RALGPS1: variants seen among roughly 807,000 people sequenced by gnomAD.
RALGPS1 encodes ras-specific guanine nucleotide-releasing factor RalGPS1.
In RALGPS1, 19 loss-of-function variants were observed where a neutral mutation model predicts 78.8. That is an observed-to-expected ratio of 0.24 (90% CI 0.17 to 0.35). RALGPS1 has a LOEUF of 0.35. Ranked by LOEUF, RALGPS1 falls within the 10% of genes least tolerant of loss-of-function variation. The pLI is 1.00. For missense variants in RALGPS1, 454 were observed against 688.3 expected (o/e 0.66, Z 3.81); for synonymous variants, 228 against 256.3 (o/e 0.89, Z 1.06).
At chr9:126,921,908 A>G (rs1390838727) in intron 1 of RALGPS1, among the ~76,000 whole-genome samples, 1 of 152,332 alleles carries the variant, frequency 6.6e-6, no homozygotes, top group Admixed American at 6.5e-5. Context: ...TGCTTTTCTC[A>G]GGGTATTAAT....
At chr9:126,974,514 A>G (rs1209828066) in intron 3 of RALGPS1, among the ~76,000 whole-genome samples, 1 of 151,496 alleles carries the variant, frequency 6.6e-6, no homozygotes, top group Non-Finnish European at 1.5e-5. Context: ...GAAATACTAC[A>G]TTTAACATAT....
intron 1 of RALGPS1, among the ~76,000 whole-genome samples, chr9:126,948,436 G>T (rs754839430): frequency 1.3e-5 from 2 of 152,104 alleles, no homozygotes; most frequent in African/African-American, 2.4e-5. Flanking sequence ...AGAATCGCTC[G>T]CTTGAACCTG....
intron 14 of RALGPS1, among the ~76,000 whole-genome samples, chr9:127,209,192 C>T (rs1341520667): frequency 6.6e-6 from 1 of 152,222 alleles, no homozygotes; most frequent in Non-Finnish European, 1.5e-5. Flanking sequence ...AGAAGAAAGC[C>T]CCGGGGCTGG....
intron 4 of RALGPS1, among the ~76,000 whole-genome samples, chr9:127,029,704 C>A (rs369760734): frequency 6.6e-6 from 1 of 152,202 alleles, no homozygotes; most frequent in African/African-American, 2.4e-5. Flanking sequence ...TCCTGTGGCC[C>A]GATGGCCTAG....
At chr9:127,199,756 G>A (rs2061530205) in intron 14 of RALGPS1, among the ~76,000 whole-genome samples, 1 of 152,178 alleles carries the variant, frequency 6.6e-6, no homozygotes, top group East Asian at 1.9e-4. Flanking sequence ...GCTGTGAAGG[G>A]GGTACCCCCA....
At chr9:126,969,177 A>G (rs2039848651) in intron 3 of RALGPS1, among the ~76,000 whole-genome samples, 1 of 152,246 alleles carries the variant, frequency 6.6e-6, no homozygotes, top group Non-Finnish European at 1.5e-5. Flanking sequence ...GCAACATAAA[A>G]TTATTGAAAT....
intron 8 of RALGPS1, among the ~76,000 whole-genome samples, chr9:127,156,042 G>A (rs916399063): frequency 2.0e-5 from 3 of 152,032 alleles, no homozygotes. Flanking sequence ...TGTATTCTCT[G>A]TGTGTGATCT....
chr9:126,951,424 A>C (rs1455938990), intron 1 of RALGPS1, among the ~76,000 whole-genome samples: 2 of 151,582 alleles, frequency 1.3e-5, no homozygotes, highest in Admixed American at 1.3e-4. Context: ...CCTCAATAAA[A>C]TACTGGCAAA....
At chr9:127,139,688 G>A (rs892756640) in intron 8 of RALGPS1, among the ~76,000 whole-genome samples, 2 of 152,242 alleles carry the variant, frequency 1.3e-5, no homozygotes, top group African/African-American at 2.4e-5. Flanking sequence ...CCAGTCAGGC[G>A]TGTGGTGTGG....
chr9:127,095,593 A>G (rs1222188335), intron 8 of RALGPS1, among the ~76,000 whole-genome samples: 4 of 152,198 alleles, frequency 2.6e-5, no homozygotes, highest in Admixed American at 1.3e-4. Flanking sequence ...ACGCCCTGCA[A>G]GGGAGGAGCT....
intron 1 of RALGPS1, among the ~76,000 whole-genome samples, chr9:126,919,975 A>G (rs1296995757): frequency 1.3e-5 from 2 of 152,120 alleles, no homozygotes; most frequent in African/African-American, 2.4e-5. Context: ...CCTTTGTGAA[A>G]CCTACTTAAT....
chr9:126,922,649 A>T (rs1424314804), intron 1 of RALGPS1, among the ~76,000 whole-genome samples: 3 of 152,146 alleles, frequency 2.0e-5, no homozygotes, highest in East Asian at 1.9e-4. Context: ...GCATTTATAG[A>T]TTGCTCTCCT....
intron 11 of RALGPS1, among the ~76,000 whole-genome samples, chr9:127,180,598 C>T (rs1231903409): frequency 6.6e-6 from 1 of 152,364 alleles, no homozygotes; most frequent in African/African-American, 2.4e-5. Flanking sequence ...CCCTGGCATA[C>T]ACTTACCTCT....
chr9:127,084,499 G>T (rs1465530030), intron 8 of RALGPS1, among the ~76,000 whole-genome samples: 1 of 152,080 alleles, frequency 6.6e-6, no homozygotes, highest in Non-Finnish European at 1.5e-5. Flanking sequence ...GGCTGGCCTT[G>T]TGCTGTCAAT....
At chr9:127,034,293 TCCACCTA>T in intron 4 of RALGPS1, 131 bp from the exon 5 acceptor site, 1 of 727,496 alleles carries the variant, frequency 1.4e-6, no homozygotes, top group Non-Finnish European at 2.5e-6. Flanking sequence ...GCCCTTCTCT[TCCACCTA>T]GTAAAGATGG....
chr9:127,182,368 TCCTCCCTCCCTCCCTCCCTC>T (rs1187350551), intron 11 of RALGPS1, among the ~76,000 whole-genome samples: 11 of 66,806 alleles, frequency 1.6e-4, no homozygotes, highest in African/African-American at 6.3e-4. Context: ...CTTCCTTCCT[TCCTCCCTCCCTCCCTCCCTC>T]CCTCCCTCCC....
chr9:127,207,084 G>T (rs1300227777), intron 14 of RALGPS1, among the ~76,000 whole-genome samples: 4 of 151,964 alleles, frequency 2.6e-5, no homozygotes, highest in Non-Finnish European at 5.9e-5. Context: ...GGCACCCATT[G>T]TCTCATCACC....
intron 5 of RALGPS1, among the ~76,000 whole-genome samples, chr9:127,039,061 A>G (rs950404584): frequency 3.9e-5 from 6 of 152,076 alleles, no homozygotes; most frequent in African/African-American, 1.4e-4. Context: ...TGGATATTTG[A>G]GTCCGGAAGT....
chr9:127,184,315 G>A, intron 11 of RALGPS1: 1 of 313,902 alleles, frequency 3.2e-6, no homozygotes, highest in East Asian at 7.9e-5. Context: ...GCAAGACCTT[G>A]TCTCAGGAAA....
Sources: allele counts gnomAD v4.1 joint callset (sites outside exome capture counted in the v4.1 genomes callset), GRCh38; gene constraint gnomAD v4.1.1; transcripts MANE v1.5; gene names NCBI Gene and HGNC (gene_info 2026-07-23, HGNC 2026-07-21).